Variants in SYNE1 observed in about 807,000 individuals in gnomAD.
SYNE1 encodes the protein nesprin-1.
SYNE1 carries 616 observed loss-of-function variants against 1,111.0 expected under a neutral mutation model. The ratio of observed to expected loss-of-function variants is 0.55; its 90% CI spans 0.52 to 0.59. The LOEUF (loss-of-function observed/expected upper bound fraction) is 0.59. SYNE1 is among the 20% of genes least tolerant of loss of function. SYNE1 has a pLI of 0.00. For missense variants in SYNE1, 10,006 were observed against 10,417.0 expected, an observed-to-expected ratio of 0.96 and a Z score of 1.72; for synonymous variants, 3,855 against 3,825.8, an observed-to-expected ratio of 1.01 and a Z score of -0.28.
chr6:152,618,765 T>C (rs931622030), intron 3 of SYNE1, among the ~76,000 whole-genome samples: 2 of 152,222 alleles, frequency 1.3e-5, no homozygotes. Flanking sequence ...ACATGGATAA[T>C]TTGAAACTGA....
chr6:152,284,297 A>C (rs544604983), intron 95 of SYNE1, 125 bp from the exon 96 acceptor site: 1 of 993,848 alleles, frequency 1.0e-6, no homozygotes, highest in Admixed American at 2.0e-5. Context: ...TCATTAATCA[A>C]TCAACAAATA....
At chr6:152,256,271 TA>T (rs1010929511) in intron 102 of SYNE1, among the ~76,000 whole-genome samples, 2 of 141,952 alleles carry the variant, frequency 1.4e-5, no homozygotes, top group African/African-American at 2.6e-5. Flanking sequence ...ATAAAAAAAA[TA>T]AAAAAAAATC....
At chr6:152,252,545 T>G (rs918969209) in intron 104 of SYNE1, among the ~76,000 whole-genome samples, 4 of 152,218 alleles carry the variant, frequency 2.6e-5, no homozygotes, top group Admixed American at 6.5e-5. Flanking sequence ...CTTTTTGGTA[T>G]AGAATAATGT....
At chr6:152,421,019 G>A (rs903391573) in intron 39 of SYNE1, among the ~76,000 whole-genome samples, 9 of 152,298 alleles carry the variant, frequency 5.9e-5, no homozygotes, top group African/African-American at 2.2e-4. Flanking sequence ...ATTTTACCAA[G>A]GCTTTGACTG....
In SYNE1 at chr6:152,628,547, T is replaced by A. The variant is rs149614104; in HGVS notation, c.-216A>T. ...TTTAAGACTGTCCTCTTACATGAAC[T>A]CAAGAACCTGAAAAACAAAAAAGAA... On this transcript the variant is annotated 5_prime_UTR_variant, in exon 3 of 146. Transcript: ENST00000367255. The A allele has an allele frequency of 3.6e-6, 2 of 559,254 alleles. No homozygotes were observed. The highest frequency in any genetic ancestry group is 6.4e-6 in the Non-Finnish European group (2 of 314,832). 34.6% of individuals were successfully genotyped at this position (559,254 alleles called of 1,614,324 possible). A position where few individuals can be genotyped will look rare whatever the true frequency, so the allele number is the denominator to read the frequency against.
At chr6:152,340,895 G>A (rs932408252) in intron 74 of SYNE1, among the ~76,000 whole-genome samples, 6 of 152,178 alleles carry the variant, frequency 3.9e-5, no homozygotes, top group African/African-American at 1.2e-4. Flanking sequence ...GGCCTGACAG[G>A]GGGTGGTGGC....
chr6:152,338,665 T>A (rs999971124), intron 75 of SYNE1, among the ~76,000 whole-genome samples: 6 of 152,138 alleles, frequency 3.9e-5, no homozygotes, highest in African/African-American at 1.4e-4. Context: ...CAAATGTGTT[T>A]CATGGAAGAG....
intron 64 of SYNE1, among the ~76,000 whole-genome samples, chr6:152,360,725 CAATT>C (rs2096917622): frequency 6.6e-6 from 1 of 151,944 alleles, no homozygotes; most frequent in South Asian, 2.1e-4. Flanking sequence ...ATTAATTAAG[CAATT>C]AATTATTATA....
intron 104 of SYNE1, among the ~76,000 whole-genome samples, chr6:152,254,499 C>T (rs765866547): frequency 1.9e-4 from 29 of 152,066 alleles, no homozygotes; most frequent in Non-Finnish European, 3.7e-4. Context: ...ATTTGCCTGC[C>T]GTGGCCTCCC....
intron 3 of SYNE1, among the ~76,000 whole-genome samples, chr6:152,608,742 T>C (rs985510542): frequency 1.3e-5 from 2 of 152,178 alleles, no homozygotes; most frequent in Non-Finnish European, 2.9e-5. Flanking sequence ...GAGACCATCC[T>C]GGCCACCACG....
At chr6:152,188,984 A>AT (rs1329296361) in intron 128 of SYNE1, among the ~76,000 whole-genome samples, 9 of 23,002 alleles carry the variant, frequency 3.9e-4, no homozygotes, top group Admixed American at 1.1e-3. Flanking sequence ...AAAAAAAAAA[A>AT]ATATATATAT....
intron 45 of SYNE1, among the ~76,000 whole-genome samples, chr6:152,406,240 T>C (rs1188419800): frequency 6.6e-6 from 1 of 152,108 alleles, no homozygotes; most frequent in Non-Finnish European, 1.5e-5. Context: ...TTTCTTCCAT[T>C]TTTGAAAAGG....
intron 12 of SYNE1, 76 bp from the exon 13 acceptor site, chr6:152,485,048 TAAC>T: frequency 2.0e-6 from 3 of 1,475,750 alleles, no homozygotes; most frequent in East Asian, 2.3e-5. Context: ...ATTTCCTAAA[TAAC>T]AATCTTTTCT....
intron 4 of SYNE1, among the ~76,000 whole-genome samples, chr6:152,527,276 A>G (rs2099167980): frequency 6.6e-6 from 1 of 152,188 alleles, no homozygotes; most frequent in African/African-American, 2.4e-5. Context: ...AACTGCATGA[A>G]TTATAATGTC....
intron 29 of SYNE1, among the ~76,000 whole-genome samples, chr6:152,446,175 ATTTG>A (rs1490100452): frequency 1.4e-5 from 2 of 145,526 alleles, no homozygotes; most frequent in African/African-American, 5.1e-5. Context: ...AACGACAAGT[ATTTG>A]TTTGATCTTG....
At chr6:152,378,641 A>G (rs77215093) in intron 56 of SYNE1, among the ~76,000 whole-genome samples, 1 of 152,080 alleles carries the variant, frequency 6.6e-6, no homozygotes, top group African/African-American at 2.4e-5. Context: ...TGATTCCTCA[A>G]TGATCCTGCA....
intron 3 of SYNE1, among the ~76,000 whole-genome samples, chr6:152,543,026 T>G (rs1472607788): frequency 6.6e-6 from 1 of 152,100 alleles, no homozygotes; most frequent in Non-Finnish European, 1.5e-5. Context: ...TGTCATAAAA[T>G]TAAATATATA....
chr6:152,160,069 C>T (rs1172057761), intron 131 of SYNE1, among the ~76,000 whole-genome samples: 11 of 151,928 alleles, frequency 7.2e-5, no homozygotes, highest in Non-Finnish European at 1.3e-4. Context: ...TACAGTGGCG[C>T]GATCTCCGCT....
chr6:152,585,894 A>ATGTGTT (rs1457994135), intron 3 of SYNE1, among the ~76,000 whole-genome samples: 2 of 152,006 alleles, frequency 1.3e-5, no homozygotes, highest in East Asian at 3.9e-4. Flanking sequence ...TTGAAATCGC[A>ATGTGTT]TGTGTTTGTG....
Sources: allele counts gnomAD v4.1 joint callset (sites outside exome capture counted in the v4.1 genomes callset), GRCh38; gene constraint gnomAD v4.1.1; transcripts MANE v1.5; gene names NCBI Gene and HGNC (gene_info 2026-07-23, HGNC 2026-07-21).